KNL1: variants seen among roughly 807,000 people sequenced by gnomAD.
KNL1 encodes the protein kinetochore scaffold 1.
KNL1 carries 66 observed loss-of-function variants against 201.3 expected under a neutral mutation model. That is an observed-to-expected ratio of 0.33 (90% confidence interval 0.27 to 0.40). KNL1 has a LOEUF of 0.40. Among genes scored for constraint, KNL1 ranks in the 10% least tolerant of loss-of-function variants. The pLI is 1.00. For synonymous variants in KNL1, 895 were observed against 899.2 expected, an observed-to-expected ratio of 1.00 and a Z score of 0.08; for missense variants, 2,815 against 2,690.5, an observed-to-expected ratio of 1.05 and a Z score of -1.02.
chr15:40,642,774 C>G (rs563006969), intron 14 of KNL1, among the ~76,000 whole-genome samples: 3 of 152,012 alleles, frequency 2.0e-5, no homozygotes, highest in Admixed American at 2.0e-4. Flanking sequence ...ATTACAGGTG[C>G]CCACCAACAT....
chr15:40,600,075 C>CT lies in KNL1; in HGVS notation c.-17-2822dup, dbSNP rs10706832. Among the ~76,000 whole-genome samples, 336 of 100,152 alleles carry CT rather than the reference C, an allele frequency of 3.4e-3. 1 individual carries two copies. Among genetic ancestry groups the CT allele is most frequent in the African/African-American group, 7.5e-3 (197 of 26,204 alleles). 65.7% of individuals were successfully genotyped at this position (100,152 alleles called of 152,430 possible). ...TTTTGCTGATATTTATTTGGGATTCCTTTTTTTTTTTTTTTTTTGCAATGG... is the reference window on the plus strand; with the variant it reads ...TTTTGCTGATATTTATTTGGGATTCCTTTTTTTTTTTTTTTTTTTGCAATGG... On this transcript the variant is annotated intron_variant, in intron 1 of 25. Coordinates refer to ENST00000399668, the MANE Select transcript of KNL1 (RefSeq NM_144508.5).
chr15:40,634,831 A>G (rs1893009343), intron 13 of KNL1, among the ~76,000 whole-genome samples: 2 of 152,118 alleles, frequency 1.3e-5, no homozygotes, highest in South Asian at 4.1e-4. Flanking sequence ...ATCCTTGACA[A>G]ATTGATGTTA....
chr15:40,619,991 G>A (rs1183187309), intron 9 of KNL1, among the ~76,000 whole-genome samples: 1 of 151,902 alleles, frequency 6.6e-6, no homozygotes, highest in Non-Finnish European at 1.5e-5. Flanking sequence ...GTGCAATGGT[G>A]TGATCCTAGC....
At position 40,621,369 on chromosome 15, in the gene KNL1, A is replaced by C. The variant is rs1468205336; in HGVS notation, c.1105A>C (p.Asn369His). The C allele has an allele frequency of 6.2e-7, 1 of 1,611,430 alleles. No individual in the cohort carries two copies. Among genetic ancestry groups the C allele is most frequent in the Non-Finnish European group, 8.5e-7 (1 of 1,178,580 alleles). Reference protein sequence around the residue: ...GNKTVFKSKQNTAFQDLSINS... With the variant: ...GNKTVFKSKQHTAFQDLSINS... ...TAAAACAGTTTTTAAGAGTAAACAAAATACTGCTTTTCAAGACCTTTCCAT... is the reference window on the plus strand; with the variant it reads ...TAAAACAGTTTTTAAGAGTAAACAACATACTGCTTTTCAAGACCTTTCCAT... The change falls in exon 10 of 26, where the codon AAT (asparagine) becomes CAT (histidine). Residue 369 changes from asparagine (N) to histidine (H), a missense_variant. Coordinates refer to ENST00000399668, the MANE Select transcript of KNL1 (RefSeq NM_144508.5).
At chr15:40,609,294 A>G (rs1892079780) in intron 5 of KNL1, among the ~76,000 whole-genome samples, 1 of 151,794 alleles carries the variant, frequency 6.6e-6, no homozygotes, top group African/African-American at 2.4e-5. Context: ...CTGCACCTGT[A>G]GTCCCAGATA....
rs371743526 is a variant in KNL1, at chr15:40,624,246, G to A, written c.3982G>A (p.Glu1328Lys). ...CATGCTCTTATGTGATAAAGATGAGGAAAAAGCCAATTATTGCCCAGTGCA... is the reference window on the plus strand; with the variant it reads ...CATGCTCTTATGTGATAAAGATGAGAAAAAAGCCAATTATTGCCCAGTGCA... ...SAMLLCDKDE[E>K]KANYCPVQND... is the part of the protein sequence containing the mutation. Residue 1328 changes from glutamate (E) to lysine (K), a missense_variant, in exon 10 of 26, where the codon GAA becomes AAA. By Grantham distance (56) the Glu-to-Lys change is moderately conservative. Around this residue, in one of 3 missense-constraint regions of KNL1, gnomAD observed 2,464 missense variants for 2,291.7 expected, o/e 1.08. Transcript: ENST00000399668. 1 of 1,613,972 alleles carries A rather than the reference G, an allele frequency of 6.2e-7. No individual in the cohort carries two copies. The highest frequency in any genetic ancestry group is 2.2e-5 in the East Asian group (1 of 44,876).
intron 12 of KNL1, 36 bp from the exon 13 acceptor site, chr15:40,629,237 T>G (rs368997320): frequency 1.6e-6 from 2 of 1,236,360 alleles, no homozygotes; most frequent in African/African-American, 1.5e-5. Context: ...TGAAATCACA[T>G]TGAATGGTCA....
chr15:40,628,052 C>A lies in KNL1; in HGVS notation c.5377-18C>A. 6.4e-7 allele frequency: 1 copy of A among 1,559,078 alleles called. No homozygotes were observed. The highest frequency in any genetic ancestry group is 8.7e-7 in the Non-Finnish European group (1 of 1,149,626). On this transcript the variant is annotated intron_variant, in intron 10 of 25. Transcript: ENST00000399668. ...TGTATATTTTATTCTGATGATATTC[C>A]TTAATTGACAATTTCAGATTTTTGA...
At chr15:40,657,207 C>T (rs1483738992) in intron 23 of KNL1, 56 bp downstream of exon 23, 4 of 1,194,214 alleles carry the variant, frequency 3.3e-6, no homozygotes, top group Non-Finnish European at 4.9e-6. Flanking sequence ...CCAAAAAAAG[C>T]AGAACTGAAA....
intron 7 of KNL1, among the ~76,000 whole-genome samples, chr15:40,613,988 C>T (rs1440946176): frequency 2.7e-5 from 4 of 150,584 alleles, no homozygotes; most frequent in African/African-American, 4.9e-5. Context: ...TTAGTAGAGA[C>T]AGGGTTTCAC....
At position 40,622,092 on chromosome 15, in the gene KNL1, G is replaced by C. The variant is rs770648579; in HGVS notation, c.1828G>C (p.Asp610His). 2 of 1,614,070 alleles carry C rather than the reference G, an allele frequency of 1.2e-6. No individual in the cohort carries two copies. Among genetic ancestry groups the C allele is most frequent in the Non-Finnish European group, 1.7e-6 (2 of 1,179,966 alleles). ...ESHSQSKSSS[D>H]ECEEITKSRN... Reference sequence around the variant, plus strand: ...TCACTCTCAGAGCAAAAGCTCTTCAGATGAATGTGAAGAAATTACCAAAAG... The same window carrying C: ...TCACTCTCAGAGCAAAAGCTCTTCACATGAATGTGAAGAAATTACCAAAAG... Residue 610 changes from aspartate to histidine, a missense_variant, in exon 10 of 26, where the codon GAT becomes CAT. This residue lies in a region of KNL1 where 2,464 missense variants were observed against 2,291.7 expected (regional missense o/e 1.08). Transcript: ENST00000399668.
In KNL1 at chr15:40,657,161, G is replaced by A. The variant is rs200845312; in HGVS notation, c.6594+10G>A. ...GCATCAGTTACCCAAGGTAAAGCCC[G>A]ATTGAAGTATTTAAAGGAAAATTTG... On this transcript the variant is annotated intron_variant, in intron 23 of 25. Transcript: ENST00000399668. The A allele has an allele frequency of 2.1e-4, 312 of 1,516,222 alleles. No individual in the cohort carries two copies. The highest frequency in any genetic ancestry group is 4.3e-4 in the African/African-American group (31 of 71,790). 93.9% of individuals were successfully genotyped at this position (1,516,222 alleles called of 1,614,324 possible).
Position 40,624,639 on chromosome 15 carries a change from A to C in KNL1, c.4375A>C (p.Ser1459Arg), listed in dbSNP as rs763353487. Reference protein sequence around the residue: ...QPPLPKKGQSSINKEEVILSK... With the variant: ...QPPLPKKGQSRINKEEVILSK... The stretch of plus-strand genomic sequence containing the variant: ...TCCATTACCTAAAAAAGGACAGAGT[A>C]GTATCAATAAAGAAGAAGTAATACT... Residue 1459 changes from serine to arginine, a missense_variant, in exon 10 of 26, where the codon AGT becomes CGT. Physicochemically the swap from Ser to Arg is moderately radical, Grantham distance 110. Coordinates refer to ENST00000399668, the MANE Select transcript of KNL1 (RefSeq NM_144508.5). The C allele has an allele frequency of 2.5e-6, 4 of 1,613,964 alleles. No homozygotes were observed. Among genetic ancestry groups the C allele is most frequent in the Non-Finnish European group, 1.7e-6 (2 of 1,179,864 alleles).
intron 3 of KNL1, among the ~76,000 whole-genome samples, chr15:40,606,060 C>T (rs1387330277): frequency 6.6e-6 from 1 of 152,130 alleles, no homozygotes; most frequent in African/African-American, 2.4e-5. Flanking sequence ...TGATATGGGT[C>T]AAGTCCTCAT....
chr15:40,631,395 A>G (rs1892908243), intron 13 of KNL1, among the ~76,000 whole-genome samples: 2 of 152,168 alleles, frequency 1.3e-5, no homozygotes, highest in Non-Finnish European at 2.9e-5. Flanking sequence ...TCTGTGGGAC[A>G]TACAGCAAAA....
intron 23 of KNL1, 100 bp from the exon 24 acceptor site, chr15:40,657,255 G>A (rs1229180342): frequency 9.0e-6 from 9 of 997,900 alleles, no homozygotes; most frequent in Non-Finnish European, 1.4e-5. Context: ...AATGATAAAT[G>A]TATTCAATTG....
rs757064734 is a variant in KNL1 at position 40,651,462 on chromosome 15, T to C, written c.6213-9T>C. 2.5e-6 allele frequency: 4 copies of C among 1,579,514 alleles called. No homozygotes were observed. The highest frequency in any genetic ancestry group is 2.3e-5 in the South Asian group (2 of 86,056). On this transcript the variant is annotated splice_polypyrimidine_tract_variant and intron_variant, in intron 19 of 25. Coordinates refer to ENST00000399668, the MANE Select transcript of KNL1 (RefSeq NM_144508.5). Reference sequence around the variant, plus strand: ...CCTTATCTCTCTGAATACCTGCTTTTATTTGCAGAAATCTCTTAGAACTGG... The same window carrying C: ...CCTTATCTCTCTGAATACCTGCTTTCATTTGCAGAAATCTCTTAGAACTGG...
At position 40,617,918 on chromosome 15, in the gene KNL1, G is replaced by A. The variant is rs1467341825; in HGVS notation, c.323-1041G>A. 2.4e-5 allele frequency among the ~76,000 whole-genome samples: 3 copies of A among 122,634 alleles called. No homozygotes were observed. In the East Asian group the frequency reaches 7.7e-4, roughly 32 times the overall value. The allele number at this position is 122,634 out of a possible 152,430, so 80.5% of individuals were successfully genotyped here. A position where few individuals can be genotyped will look rare whatever the true frequency, so the allele number is the denominator to read the frequency against. On this transcript the variant is annotated intron_variant, in intron 8 of 25. Coordinates refer to ENST00000399668, the MANE Select transcript of KNL1 (RefSeq NM_144508.5). ...TTTGTTTTTTCATGTAATAGGTTCT[G>A]AACCAACATTTGTTGAAAAAATGAA... is the stretch of plus-strand genomic sequence containing the variant.
At chr15:40,600,853 C>T (rs1201744754) in intron 1 of KNL1, among the ~76,000 whole-genome samples, 1 of 152,168 alleles carries the variant, frequency 6.6e-6, no homozygotes, top group African/African-American at 2.4e-5. Context: ...CGTTATGCCT[C>T]TAAGTTCATA....
Sources: gnomAD v4.1 joint callset for allele counts (sites outside exome capture counted in the v4.1 genomes callset) on GRCh38, gnomAD v4.1.1 for gene constraint, gnomAD v4.1.1 regional missense constraint, MANE v1.5 for transcripts, NCBI Gene and HGNC (gene_info 2026-07-23, HGNC 2026-07-21) for gene names.